TESK2: variants seen among roughly 807,000 people sequenced by gnomAD.
TESK2 encodes the protein testis associated actin remodelling kinase 2.
A neutral mutation model predicts 57.1 loss-of-function variants in TESK2; 39 were observed. The observed-to-expected ratio is 0.68, with a 90% CI of 0.53 to 0.89. The LOEUF (loss-of-function observed/expected upper bound fraction) is 0.89, where lower values mean the gene tolerates loss of function less well. TESK2 is among the 40% of genes least tolerant of loss of function. TESK2 has a pLI of 0.00. For missense variants in TESK2, 646 were observed against 732.1 expected (o/e 0.88, Z 1.36); for synonymous variants, 249 against 267.9 (o/e 0.93, Z 0.69).
chr1:45,360,246 G>A (rs970349794), intron 4 of TESK2, among the ~76,000 whole-genome samples: 3 of 152,186 alleles, frequency 2.0e-5, no homozygotes, highest in Non-Finnish European at 4.4e-5. Context: ...GAACTTCAGG[G>A]TTATAAGTGG....
At chr1:45,434,663 A>C (rs2149291506) in intron 2 of TESK2, among the ~76,000 whole-genome samples, 1 of 151,926 alleles carries the variant, frequency 6.6e-6, no homozygotes, top group South Asian at 2.1e-4. Context: ...CCCATTTTTA[A>C]ATGGGATTTT....
chr1:45,426,315 T>A lies in TESK2; in HGVS notation c.223-4469A>T, dbSNP rs529202519. Among the ~76,000 whole-genome samples, 4 of 151,022 alleles carry A rather than the reference T, an allele frequency of 2.6e-5. No homozygotes were observed. In the South Asian group the frequency reaches 8.4e-4, roughly 32 times the overall value. ...ACAAATCCATAAATCTACAATAAAC[T>A]CTCATTTTCAACAAAAGTACCAAGA... On this transcript the variant is annotated intron_variant, in intron 2 of 10. Coordinates refer to ENST00000372086, the MANE Select transcript of TESK2 (RefSeq NM_007170.3).
At chr1:45,463,763 T>C (rs1215620073) in intron 1 of TESK2, among the ~76,000 whole-genome samples, 2 of 152,066 alleles carry the variant, frequency 1.3e-5, no homozygotes, top group African/African-American at 4.8e-5. Flanking sequence ...TTTTGTACTT[T>C]TTTTTTGTAG....
At chr1:45,406,225 T>C (rs1649842646) in intron 3 of TESK2, among the ~76,000 whole-genome samples, 1 of 152,182 alleles carries the variant, frequency 6.6e-6, no homozygotes, top group South Asian at 2.1e-4. Context: ...AGCAAGATCT[T>C]ATCTCAAAAT....
chr1:45,480,332 C>A (rs1465135624), intron 1 of TESK2, among the ~76,000 whole-genome samples: 2 of 151,572 alleles, frequency 1.3e-5, no homozygotes, highest in Non-Finnish European at 2.9e-5. Context: ...GTGGCACACA[C>A]CTGTAGTCCC....
rs575719575 is a variant in TESK2 at position 45,473,756 on chromosome 1, G to A, written c.-86-15885C>T. On this transcript the variant is annotated intron_variant, in intron 1 of 10. Transcript: ENST00000372086. ...CAAATGCAATGATGATACTTGGCTA[G>A]ATCCTGATTTGAACAAACCAGCTAT... is the stretch of plus-strand genomic sequence containing the variant. Among the ~76,000 whole-genome samples the A allele has an allele frequency of 9.3e-5, 14 of 150,992 alleles. No homozygotes were observed. In the East Asian group the frequency reaches 2.5e-3, roughly 27 times the overall value.
intron 1 of TESK2, among the ~76,000 whole-genome samples, chr1:45,459,282 T>C (rs1453123212): frequency 6.6e-6 from 1 of 152,134 alleles, no homozygotes; most frequent in Non-Finnish European, 1.5e-5. Context: ...AGTCAAGAGA[T>C]TGAGGCCAAT....
chr1:45,417,631 G>A (rs892021623), intron 3 of TESK2, among the ~76,000 whole-genome samples: 1 of 150,758 alleles, frequency 6.6e-6, no homozygotes, highest in Non-Finnish European at 1.5e-5. Flanking sequence ...TCGCTCTGTC[G>A]CCTGGGCTGG....
intron 2 of TESK2, among the ~76,000 whole-genome samples, chr1:45,454,263 G>A (rs1651985069): frequency 6.6e-6 from 1 of 152,074 alleles, no homozygotes; most frequent in African/African-American, 2.4e-5. Context: ...GGGGAATGGA[G>A]AAATGAGGAG....
intron 1 of TESK2, among the ~76,000 whole-genome samples, chr1:45,475,986 G>C (rs1032701690): frequency 6.6e-6 from 1 of 152,122 alleles, no homozygotes; most frequent in African/African-American, 2.4e-5. Flanking sequence ...TACTTTTTGA[G>C]GTTTTAGAAC....
intron 4 of TESK2, among the ~76,000 whole-genome samples, chr1:45,365,214 C>T (rs1333844018): frequency 6.6e-6 from 1 of 152,150 alleles, no homozygotes; most frequent in Non-Finnish European, 1.5e-5. Flanking sequence ...CTGTTCTCAG[C>T]TCGAGGATCC....
intron 4 of TESK2, among the ~76,000 whole-genome samples, chr1:45,383,424 C>CTCATATGATATGAGATCTCATATGACTAA (rs1413720808): frequency 2.0e-5 from 3 of 152,116 alleles, no homozygotes; most frequent in Non-Finnish European, 4.4e-5. Flanking sequence ...ATATCATAAG[C>CTCATATGATATGAGATCTCATATGACTAA]TATGTCAAAA....
In TESK2 at chr1:45,433,959, T is replaced by G. The variant is rs140551626; in HGVS notation, c.223-12113A>C. On this transcript the variant is annotated intron_variant, in intron 2 of 10. Coordinates refer to ENST00000372086, the MANE Select transcript of TESK2 (RefSeq NM_007170.3). The stretch of plus-strand genomic sequence containing the variant: ...TCATCAGATCTGGTTTGTTTTTTGT[T>G]TGTTCATTTTTGGGGTTTTGGGGTT... 5.1e-3 allele frequency among the ~76,000 whole-genome samples: 773 copies of G among 152,220 alleles called. 3 individuals are homozygous for G. The highest frequency in any genetic ancestry group is 0.018 in the African/African-American group (747 of 41,548).
At chr1:45,345,706 G>T in intron 10 of TESK2, 148 bp from the exon 11 acceptor site, 1 of 933,688 alleles carries the variant, frequency 1.1e-6, no homozygotes, top group Non-Finnish European at 1.6e-6. Flanking sequence ...AGGGGAAGCA[G>T]TATGCCAAGC....
chr1:45,476,003 T>C (rs1652976013), intron 1 of TESK2, among the ~76,000 whole-genome samples: 2 of 152,212 alleles, frequency 1.3e-5, no homozygotes, highest in African/African-American at 2.4e-5. Context: ...GAACTTGGAC[T>C]GATTTGTCAC....
At chr1:45,435,559 C>G (rs1467621874) in intron 2 of TESK2, among the ~76,000 whole-genome samples, 1 of 106,318 alleles carries the variant, frequency 9.4e-6, no homozygotes, top group African/African-American at 3.8e-5. Context: ...CCACTGTGGT[C>G]TAATTTTTTT....
chr1:45,385,710 G>GTGTATATATATATATA (rs947905047), intron 4 of TESK2, among the ~76,000 whole-genome samples: 22 of 135,290 alleles, frequency 1.6e-4, no homozygotes, highest in Admixed American at 1.0e-3. Flanking sequence ...GTGTGTGTGT[G>GTGTATATATATATATA]TATATATATA....
intron 1 of TESK2, among the ~76,000 whole-genome samples, chr1:45,462,712 C>G (rs182939661): frequency 2.0e-5 from 3 of 152,172 alleles, no homozygotes; most frequent in African/African-American, 7.2e-5. Context: ...GGAGTGCAAA[C>G]GTCTCTTCGC....
chr1:45,481,278 T>G (rs888700080), intron 1 of TESK2, among the ~76,000 whole-genome samples: 2 of 151,766 alleles, frequency 1.3e-5, no homozygotes, highest in African/African-American at 4.8e-5. Flanking sequence ...GGCAGGAGAA[T>G]GGCGTGAACC....
Sources: allele counts gnomAD v4.1 joint callset (sites outside exome capture counted in the v4.1 genomes callset), GRCh38; gene constraint gnomAD v4.1.1; transcripts MANE v1.5; gene names NCBI Gene and HGNC (gene_info 2026-07-23, HGNC 2026-07-21).